Variants in DTX4 observed in about 807,000 individuals in gnomAD.
The protein encoded by DTX4 is deltex E3 ubiquitin ligase 4.
A neutral mutation model predicts 57.6 loss-of-function variants in DTX4; 28 were observed. The ratio of observed to expected loss-of-function variants is 0.49; its 90% CI spans 0.36 to 0.67. The LOEUF (loss-of-function observed/expected upper bound fraction) is 0.67, where lower values mean the gene tolerates loss of function less well. Ranked by LOEUF, DTX4 falls within the 30% of genes least tolerant of loss-of-function variation. The probability of loss-of-function intolerance (pLI) is 0.00; values close to 1 mark genes in which losing one functional copy is unlikely to be tolerated. For synonymous variants in DTX4, 316 were observed against 331.0 expected (o/e 0.95, Z 0.49); for missense variants, 715 against 836.8 (o/e 0.85, Z 1.80).
intron 8 of DTX4, 67 bp from the exon 9 acceptor site, chr11:59,204,609 C>G (rs1478383219): frequency 4.2e-6 from 6 of 1,428,838 alleles, no homozygotes; most frequent in Non-Finnish European, 3.8e-6. Flanking sequence ...GATTCTCTAC[C>G]GTCCAAGGGA....
At chr11:59,190,342 G>T (rs917166856) in intron 4 of DTX4, among the ~76,000 whole-genome samples, 3 of 152,172 alleles carry the variant, frequency 2.0e-5, no homozygotes, top group African/African-American at 7.2e-5. Context: ...ACATCCATTT[G>T]CTCATTCAAT....
chr11:59,173,549 C>T (rs1008817472), intron 1 of DTX4, among the ~76,000 whole-genome samples: 1 of 152,150 alleles, frequency 6.6e-6, no homozygotes, highest in East Asian at 1.9e-4. Flanking sequence ...GGCAGGGAAG[C>T]CGCTCCCTTT....
At chr11:59,172,027 G>A (rs1053580943), upstream of DTX4, among the ~76,000 whole-genome samples, 1 of 150,040 alleles carries the variant, frequency 6.7e-6, no homozygotes, top group Non-Finnish European at 1.5e-5. Flanking sequence ...GGAAGGAACT[G>A]AGCAGAGCCA....
chr11:59,186,173 C>T (rs1767345430), intron 2 of DTX4, among the ~76,000 whole-genome samples: 1 of 152,190 alleles, frequency 6.6e-6, no homozygotes, highest in South Asian at 2.1e-4. Flanking sequence ...ATCTCTCCCA[C>T]CTGTTGAACC....
chr11:59,177,154 T>C (rs1460095776), intron 1 of DTX4, among the ~76,000 whole-genome samples: 1 of 152,202 alleles, frequency 6.6e-6, no homozygotes, highest in South Asian at 2.1e-4. Context: ...TTTGGGCACC[T>C]AATAGGTACA....
chr11:59,178,321 C>T (rs890917746), intron 1 of DTX4, among the ~76,000 whole-genome samples: 38 of 152,096 alleles, frequency 2.5e-4, no homozygotes, highest in African/African-American at 8.0e-4. Flanking sequence ...AAGGGATTTA[C>T]GCAGGGAAGG....
chr11:59,174,584 G>A lies in DTX4; in HGVS notation c.211+1778G>A, dbSNP rs764324301. Among the ~76,000 whole-genome samples the A allele has an allele frequency of 7.3e-5, 11 of 151,106 alleles. No individual in the cohort carries two copies. The South Asian group carries it at 1.5e-3, about 20-fold the overall frequency. On this transcript the variant is annotated intron_variant, in intron 1 of 8. Coordinates refer to ENST00000227451, the MANE Select transcript of DTX4 (RefSeq NM_015177.2). The stretch of plus-strand genomic sequence containing the variant: ...GGAAAACCACCCTTGTGACAGAAAC[G>A]TCTCAGCCCCTTTCCCACATTTGGA...
rs1289659439 is a variant in DTX4 at position 59,208,256 on chromosome 11, T to TA, written c.*3349dup. 6.6e-6 allele frequency: 1 copy of TA among 152,452 alleles called. No individual in the cohort carries two copies. Among genetic ancestry groups the TA allele is most frequent in the African/African-American group, 2.4e-5 (1 of 41,436 alleles). 9.4% of individuals were successfully genotyped at this position (152,452 alleles called of 1,614,324 possible). A position where few individuals can be genotyped will look rare whatever the true frequency, so the allele number is the denominator to read the frequency against. On this transcript the variant is annotated 3_prime_UTR_variant, in exon 9 of 9. Transcript: ENST00000227451. ...GATTTGGGTTACCTCCCTGAGTCTGTAAGCAACCACAAGCCCTGCCACTGG... is the reference window on the plus strand; with the variant it reads ...GATTTGGGTTACCTCCCTGAGTCTGTAAAGCAACCACAAGCCCTGCCACTGG...
At chr11:59,179,575 C>T (rs1862436707) in intron 1 of DTX4, among the ~76,000 whole-genome samples, 1 of 152,220 alleles carries the variant, frequency 6.6e-6, no homozygotes, top group Non-Finnish European at 1.5e-5. Flanking sequence ...GTAGGGGCAC[C>T]ACCCCTGGGT....
At chr11:59,197,701 G>A (rs755293302) in intron 7 of DTX4, among the ~76,000 whole-genome samples, 2 of 152,200 alleles carry the variant, frequency 1.3e-5, no homozygotes, top group African/African-American at 2.4e-5. Context: ...AGGGAAGGCC[G>A]GGATAAGGAA....
Position 59,192,616 on chromosome 11 carries a change from G to A in DTX4, c.1374+366G>A, listed in dbSNP as rs370137974. ...GAGAGAAGGAAGTTCTTATCACAGCGCTAGACCCATGGTGAGTATTCGTTC... is the reference window on the plus strand; with the variant it reads ...GAGAGAAGGAAGTTCTTATCACAGCACTAGACCCATGGTGAGTATTCGTTC... On this transcript the variant is annotated intron_variant, in intron 6 of 8. Transcript: ENST00000227451. Among the ~76,000 whole-genome samples the A allele has an allele frequency of 1.2e-3, 180 of 152,278 alleles. 2 individuals are homozygous for A. The South Asian group carries it at 0.029, about 25-fold the overall frequency.
At chr11:59,179,053 A>G (rs535785658) in intron 1 of DTX4, among the ~76,000 whole-genome samples, 2 of 152,296 alleles carry the variant, frequency 1.3e-5, no homozygotes, top group Non-Finnish European at 2.9e-5. Flanking sequence ...GTGTTTAAAA[A>G]AAAAAAAAAA....
At chr11:59,188,592 A>C (rs1308417030) in intron 2 of DTX4, 143 bp from the exon 3 acceptor site, 3 of 667,580 alleles carry the variant, frequency 4.5e-6, no homozygotes, top group Non-Finnish European at 8.0e-6. Flanking sequence ...TGGTGGCATG[A>C]CATGGCCTGA....
chr11:59,192,366 C>A (rs1268531982), intron 6 of DTX4, 116 bp downstream of exon 6: 1 of 1,248,678 alleles, frequency 8.0e-7, no homozygotes, highest in Non-Finnish European at 1.1e-6. Context: ...TAGAGGTTAT[C>A]CCTAGGCAAG....
chr11:59,201,719 G>A (rs1331510388), intron 8 of DTX4, among the ~76,000 whole-genome samples: 1 of 152,224 alleles, frequency 6.6e-6, no homozygotes, highest in Non-Finnish European at 1.5e-5. Flanking sequence ...GACCATCCCT[G>A]ATACTGTTTA....
At chr11:59,173,560 G>A (rs1014762945) in intron 1 of DTX4, among the ~76,000 whole-genome samples, 2 of 152,216 alleles carry the variant, frequency 1.3e-5, no homozygotes, top group Middle Eastern at 3.2e-3. Context: ...CGCTCCCTTT[G>A]TCTGCGGAGG....
At chr11:59,197,301 TA>T (rs111575698) in intron 7 of DTX4, among the ~76,000 whole-genome samples, 8 of 151,874 alleles carry the variant, frequency 5.3e-5, no homozygotes, top group Non-Finnish European at 7.4e-5. Flanking sequence ...TAGAAAGACA[TA>T]AAAAAATGGA....
chr11:59,178,982 G>A (rs1228003337), intron 1 of DTX4, among the ~76,000 whole-genome samples: 1 of 151,708 alleles, frequency 6.6e-6, no homozygotes, highest in East Asian at 1.9e-4. Flanking sequence ...ATAGATCCAT[G>A]GCATAGTTTC....
At chr11:59,177,871 C>G (rs1471597280) in intron 1 of DTX4, among the ~76,000 whole-genome samples, 1 of 152,176 alleles carries the variant, frequency 6.6e-6, no homozygotes, top group African/African-American at 2.4e-5. Context: ...TTTATTGAAT[C>G]AATATTTTGG....
Sources: allele counts gnomAD v4.1 joint callset (sites outside exome capture counted in the v4.1 genomes callset), GRCh38; gene constraint gnomAD v4.1.1; transcripts MANE v1.5; gene names NCBI Gene and HGNC (gene_info 2026-07-23, HGNC 2026-07-21).